The following ATCAY variants were observed in gnomAD, a reference collection of about 807,000 sequenced individuals.
ATCAY encodes ATCAY kinesin light chain interacting caytaxin, also known as caytaxin.
A neutral mutation model predicts 47.7 loss-of-function variants in ATCAY; 22 were observed. The observed-to-expected ratio is 0.46, with a 90% CI of 0.33 to 0.66. The LOEUF is 0.66. Among genes scored for constraint, ATCAY ranks in the 30% least tolerant of loss-of-function variants. ATCAY has a pLI of 0.02. For synonymous variants in ATCAY, 216 were observed against 207.6 expected (o/e 1.04, Z -0.35); for missense variants, 452 against 515.0 (o/e 0.88, Z 1.18).
intron 3 of ATCAY, among the ~76,000 whole-genome samples, chr19:3,904,417 A>G (rs1305389710): frequency 6.6e-6 from 1 of 152,226 alleles, no homozygotes; most frequent in African/African-American, 2.4e-5. Flanking sequence ...TCATCTAATC[A>G]GTTGAAGGTT....
At chr19:3,912,335 A>T (rs899039358) in intron 8 of ATCAY, among the ~76,000 whole-genome samples, 21 of 150,762 alleles carry the variant, frequency 1.4e-4, no homozygotes, top group Non-Finnish European at 2.8e-4. Flanking sequence ...TTTTTTTCAG[A>T]CGGAGTCTCA....
chr19:3,885,217 G>A (rs1325806259), intron 1 of ATCAY, among the ~76,000 whole-genome samples: 1 of 149,836 alleles, frequency 6.7e-6, no homozygotes, highest in Non-Finnish European at 1.5e-5. Context: ...TCAGGAGTTT[G>A]AGACCAGCCT....
chr19:3,910,921 T>C (rs1345085468), intron 8 of ATCAY, 32 bp downstream of exon 8: 7 of 1,610,182 alleles, frequency 4.3e-6, no homozygotes. Flanking sequence ...CCAAGTCCAG[T>C]GGCCTCAGTG....
At chr19:3,887,810 G>GA (rs762559322) in intron 2 of ATCAY, among the ~76,000 whole-genome samples, 1,254 of 119,468 alleles carry the variant, frequency 0.01, 13 homozygotes, top group African/African-American at 0.015. Context: ...AAAAAGAGAG[G>GA]AAAAAAAAAA....
intron 5 of ATCAY, 31 bp from the exon 6 acceptor site, chr19:3,908,237 C>G: frequency 6.5e-7 from 1 of 1,540,836 alleles, no homozygotes; most frequent in Non-Finnish European, 8.8e-7. Context: ...GGAGAGGACT[C>G]TGACGTTGCC....
At chr19:3,899,311 T>TC (rs2145235725) in intron 2 of ATCAY, among the ~76,000 whole-genome samples, 1 of 143,520 alleles carries the variant, frequency 7.0e-6, no homozygotes, top group Non-Finnish European at 1.5e-5. Context: ...AATAAATCTT[T>TC]TTTTTTTTTT....
chr19:3,917,823 G>A, intron 10 of ATCAY, 46 bp downstream of exon 10: 1 of 1,597,140 alleles, frequency 6.3e-7, no homozygotes, highest in Non-Finnish European at 8.5e-7. Context: ...GGGCAGCGGG[G>A]GGCTGAGCTG....
chr19:3,897,218 G>C (rs1480680809), intron 2 of ATCAY, among the ~76,000 whole-genome samples: 2 of 151,854 alleles, frequency 1.3e-5, no homozygotes, highest in Admixed American at 1.3e-4. Flanking sequence ...TTAACCTTCT[G>C]AATGAGCAGG....
chr19:3,887,691 T>A (rs1048979748), intron 2 of ATCAY, among the ~76,000 whole-genome samples: 7 of 150,502 alleles, frequency 4.7e-5, no homozygotes, highest in African/African-American at 1.5e-4. Context: ...TTTCACCATG[T>A]TAGCCAGGAT....
At position 3,924,817 on chromosome 19, in the gene ATCAY, G is replaced by A. The variant is rs1404744293; in HGVS notation, c.*225G>A. 1 of 548,812 alleles carries A rather than the reference G, an allele frequency of 1.8e-6. No individual in the cohort carries two copies. The highest frequency in any genetic ancestry group is 3.3e-6 in the Non-Finnish European group (1 of 307,574). 34.0% of individuals were successfully genotyped at this position (548,812 alleles called of 1,614,324 possible). On this transcript the variant is annotated 3_prime_UTR_variant, in exon 13 of 13. Transcript: ENST00000450849. ...GCAGTATTTGTGCGTTCCAGAAAAGGGCCCAGCTCTGAGCCCCTCACCCTT... is the reference window on the plus strand; with the variant it reads ...GCAGTATTTGTGCGTTCCAGAAAAGAGCCCAGCTCTGAGCCCCTCACCCTT...
intron 2 of ATCAY, among the ~76,000 whole-genome samples, chr19:3,898,277 C>G (rs1460920860): frequency 6.6e-6 from 1 of 152,068 alleles, no homozygotes; most frequent in Non-Finnish European, 1.5e-5. Context: ...CTCGACCTCC[C>G]AAGTTAGAGC....
At chr19:3,915,986 G>A (rs1388335210) in intron 9 of ATCAY, among the ~76,000 whole-genome samples, 1 of 151,846 alleles carries the variant, frequency 6.6e-6, no homozygotes, top group East Asian at 1.9e-4. Context: ...CACTGCACCC[G>A]GCCCTCTCCA....
chr19:3,900,196 CT>C (rs35138325), intron 2 of ATCAY, among the ~76,000 whole-genome samples: 18,112 of 144,034 alleles, frequency 0.13, 1,285 homozygotes, highest in South Asian at 0.22. Context: ...TCTTTTCTCT[CT>C]TTTTTTTTTT....
At chr19:3,889,135 T>TG (rs1381470825) in intron 2 of ATCAY, among the ~76,000 whole-genome samples, 2 of 152,028 alleles carry the variant, frequency 1.3e-5, no homozygotes, top group Admixed American at 1.3e-4. Flanking sequence ...AAAAACTGGC[T>TG]GGGCCTAGTG....
intron 3 of ATCAY, among the ~76,000 whole-genome samples, chr19:3,904,614 C>G (rs1228779348): frequency 6.7e-6 from 1 of 149,904 alleles, no homozygotes; most frequent in Admixed American, 6.6e-5. Context: ...TTTTTCCATA[C>G]ATATAGGAAA....
intron 2 of ATCAY, among the ~76,000 whole-genome samples, chr19:3,889,048 T>G (rs2038690321): frequency 6.6e-6 from 1 of 152,074 alleles, no homozygotes; most frequent in African/African-American, 2.4e-5. Context: ...GGCGGGAGGA[T>G]CGCTTGAGCC....
chr19:3,922,337 G>A (rs1599150068), intron 12 of ATCAY: 9 of 633,112 alleles, frequency 1.4e-5, no homozygotes, highest in East Asian at 1.1e-4. Context: ...GGAGGCCCCG[G>A]GAAATTTATA....
Position 3,907,702 on chromosome 19 carries a change from C to T in ATCAY, c.359-32C>T, listed in dbSNP as rs374891547. ...AGGGCAGGAGATATCCGGACTCTGGCGTCCATGCGACTCTCCGCCACCTGC... is the reference window on the plus strand; with the variant it reads ...AGGGCAGGAGATATCCGGACTCTGGTGTCCATGCGACTCTCCGCCACCTGC... On this transcript the variant is annotated intron_variant, in intron 4 of 12. Transcript: ENST00000450849. The surrounding 1 kb of genome is among the most constrained non-coding windows in gnomAD (Gnocchi z 5.1). 81 of 1,611,070 alleles carry T rather than the reference C, an allele frequency of 5.0e-5. No homozygotes were observed. Among genetic ancestry groups the T allele is most frequent in the Admixed American group, 3.5e-4 (21 of 59,566 alleles).
chr19:3,896,949 G>A (rs1338811006), intron 2 of ATCAY, among the ~76,000 whole-genome samples: 1 of 151,250 alleles, frequency 6.6e-6, no homozygotes, highest in Non-Finnish European at 1.5e-5. Flanking sequence ...GCTAATTTTT[G>A]TGTTTTTATT....
Sources: allele counts gnomAD v4.1 joint callset (sites outside exome capture counted in the v4.1 genomes callset), GRCh38; gene constraint gnomAD v4.1.1; non-coding constraint Gnocchi (gnomAD v3.1); transcripts MANE v1.5; gene names NCBI Gene and HGNC (gene_info 2026-07-23, HGNC 2026-07-21).